Variants in ZBTB7C observed in about 807,000 individuals in gnomAD.
ZBTB7C encodes the protein zinc finger and BTB domain containing 7C.
A neutral mutation model predicts 25.7 loss-of-function variants in ZBTB7C; 8 were observed. The observed-to-expected ratio is 0.31, with a 90% CI of 0.18 to 0.56. The LOEUF is 0.56. Ranked by LOEUF, ZBTB7C falls within the 20% of genes least tolerant of loss-of-function variation. ZBTB7C has a pLI of 0.91. For synonymous variants in ZBTB7C, 394 were observed against 369.0 expected (o/e 1.07, Z -0.78); for missense variants, 824 against 855.2 (o/e 0.96, Z 0.46).
intron 2 of ZBTB7C, among the ~76,000 whole-genome samples, chr18:48,241,448 A>T (rs1379248811): frequency 2.0e-5 from 3 of 152,180 alleles, no homozygotes; most frequent in African/African-American, 7.2e-5. Context: ...CAGACCATAT[A>T]ATAGGCCATA....
intron 2 of ZBTB7C, among the ~76,000 whole-genome samples, chr18:48,237,100 G>C (rs757154299): frequency 1.8e-4 from 27 of 152,240 alleles, no homozygotes; most frequent in Middle Eastern, 6.8e-3. Flanking sequence ...AGCAGACAGT[G>C]GGGGAGCAAT....
At chr18:48,185,714 T>C (rs1050776019) in intron 3 of ZBTB7C, among the ~76,000 whole-genome samples, 1 of 152,074 alleles carries the variant, frequency 6.6e-6, no homozygotes, top group Non-Finnish European at 1.5e-5. Context: ...AGTGGGAACA[T>C]TCTCCACTTA....
intron 2 of ZBTB7C, among the ~76,000 whole-genome samples, chr18:48,239,922 A>G (rs1162279967): frequency 1.3e-5 from 2 of 152,204 alleles, no homozygotes; most frequent in Non-Finnish European, 2.9e-5. Context: ...CTACTCAAGG[A>G]GGAACTAGAG....
intron 3 of ZBTB7C, among the ~76,000 whole-genome samples, chr18:48,057,407 G>A (rs2036961996): frequency 6.6e-6 from 1 of 152,032 alleles, no homozygotes; most frequent in Non-Finnish European, 1.5e-5. Flanking sequence ...AAAGAATGAG[G>A]CATATCTGTA....
At chr18:48,306,945 C>A (rs1253087530) in intron 2 of ZBTB7C, among the ~76,000 whole-genome samples, 1 of 152,278 alleles carries the variant, frequency 6.6e-6, no homozygotes, top group African/African-American at 2.4e-5. Context: ...CAGTGTTCCA[C>A]GGAGCAGGCC....
chr18:48,409,545 G>A (rs1444365406), upstream of ZBTB7C: 6 of 149,192 alleles, frequency 4.0e-5, no homozygotes, highest in African/African-American at 7.3e-5. Context: ...TAAAGGGCCC[G>A]GATGTGTGCG....
chr18:48,304,841 CAA>C (rs35398428), intron 2 of ZBTB7C, among the ~76,000 whole-genome samples: 17 of 90,324 alleles, frequency 1.9e-4, no homozygotes, highest in African/African-American at 3.8e-4. Context: ...GGCTCTACCT[CAA>C]AAAAAAAAAA....
intron 3 of ZBTB7C, among the ~76,000 whole-genome samples, chr18:48,082,214 G>A (rs2038018419): frequency 6.6e-6 from 1 of 152,194 alleles, no homozygotes; most frequent in Non-Finnish European, 1.5e-5. Flanking sequence ...AGCCTATTTG[G>A]AGAAGATTCC....
At chr18:48,060,396 G>C (rs1278203011) in intron 3 of ZBTB7C, among the ~76,000 whole-genome samples, 1 of 152,024 alleles carries the variant, frequency 6.6e-6, no homozygotes, top group Non-Finnish European at 1.5e-5. Flanking sequence ...CCCAAACCTT[G>C]GCTGAGACTA....
At chr18:48,309,302 AT>A (rs2045755771) in intron 2 of ZBTB7C, among the ~76,000 whole-genome samples, 1 of 152,134 alleles carries the variant, frequency 6.6e-6, no homozygotes, top group African/African-American at 2.4e-5. Context: ...TAATTTGCAT[AT>A]GCCTATTTGG....
intron 2 of ZBTB7C, among the ~76,000 whole-genome samples, chr18:48,328,801 T>A (rs1321018959): frequency 6.6e-6 from 1 of 152,082 alleles, no homozygotes; most frequent in Non-Finnish European, 1.5e-5. Flanking sequence ...GTGGAAATAC[T>A]GCCCCCGCCC....
chr18:48,087,418 A>G (rs960336720), intron 3 of ZBTB7C, among the ~76,000 whole-genome samples: 2 of 152,204 alleles, frequency 1.3e-5, no homozygotes, highest in African/African-American at 4.8e-5. Context: ...TCTTATGCTC[A>G]TTACTCTCCC....
chr18:48,191,915 A>T (rs1305504443), intron 2 of ZBTB7C, among the ~76,000 whole-genome samples: 1 of 152,232 alleles, frequency 6.6e-6, no homozygotes, highest in Non-Finnish European at 1.5e-5. Context: ...ACACAGGCTT[A>T]CCATAGACTC....
chr18:48,072,293 TA>T (rs2037573220), intron 3 of ZBTB7C, among the ~76,000 whole-genome samples: 1 of 152,182 alleles, frequency 6.6e-6, no homozygotes, highest in Non-Finnish European at 1.5e-5. Context: ...CAAACGGGGA[TA>T]AAAATACCCA....
rs372363765 is a variant in ZBTB7C, at chr18:48,367,347, C to CACATATAT, written c.-303-28950_-303-28949insATATATGT. ...GTGTATATATATACATATATGTGTG[C>CACATATAT]ATATATATATATATATATATATATA... On this transcript the variant is annotated intron_variant, in intron 1 of 4. Transcript: ENST00000590800. Among the ~76,000 whole-genome samples, 218 of 44,834 alleles carry CACATATAT rather than the reference C, an allele frequency of 4.9e-3. 3 individuals carry two copies. Among genetic ancestry groups the CACATATAT allele is most frequent in the Middle Eastern group, 0.026 (2 of 76 alleles). 29.4% of individuals were successfully genotyped at this position (44,834 alleles called of 152,430 possible). A position where few individuals can be genotyped will look rare whatever the true frequency, so the allele number is the denominator to read the frequency against.
At chr18:48,389,278 T>TGTGTGTG (rs2047838783) in intron 1 of ZBTB7C, among the ~76,000 whole-genome samples, 3 of 119,900 alleles carry the variant, frequency 2.5e-5, no homozygotes, top group African/African-American at 9.4e-5. Context: ...TGTGTGTGTG[T>TGTGTGTG]TGGGCCTTGT....
intron 3 of ZBTB7C, among the ~76,000 whole-genome samples, chr18:48,087,028 C>T (rs929959704): frequency 6.6e-6 from 1 of 152,206 alleles, no homozygotes; most frequent in African/African-American, 2.4e-5. Flanking sequence ...TAATGATCCT[C>T]ATTTTCCAGA....
At chr18:48,200,396 G>T (rs2042413136) in intron 2 of ZBTB7C, among the ~76,000 whole-genome samples, 1 of 151,984 alleles carries the variant, frequency 6.6e-6, no homozygotes, top group African/African-American at 2.4e-5. Flanking sequence ...GGAAGGACGA[G>T]GAGGGCAAAT....
At chr18:48,124,588 G>C (rs956834127) in intron 3 of ZBTB7C, among the ~76,000 whole-genome samples, 6 of 152,212 alleles carry the variant, frequency 3.9e-5, no homozygotes, top group African/African-American at 4.8e-5. Context: ...ACCTGCAGGG[G>C]TTTGGAGATG....
Sources: gnomAD v4.1 joint callset for allele counts (sites outside exome capture counted in the v4.1 genomes callset) on GRCh38, gnomAD v4.1.1 for gene constraint, MANE v1.5 for transcripts, NCBI Gene and HGNC (gene_info 2026-07-23, HGNC 2026-07-21) for gene names.